Variants in KCNJ18 observed in about 807,000 individuals in gnomAD.
KCNJ18 encodes the protein potassium inwardly rectifying channel subfamily J member 18.
A neutral mutation model predicts 17.3 loss-of-function variants in KCNJ18; 16 were observed. The ratio of observed to expected loss-of-function variants is 0.92; its 90% CI spans 0.62 to 1.40. The LOEUF (loss-of-function observed/expected upper bound fraction) is 1.40, where lower values mean the gene tolerates loss of function less well. Among genes scored for constraint, KCNJ18 ranks in the 40% most tolerant of loss-of-function variants. The probability of loss-of-function intolerance (pLI) is 0.00; values close to 1 mark genes in which losing one functional copy is unlikely to be tolerated. For synonymous variants in KCNJ18, 185 were observed against 262.6 expected, an observed-to-expected ratio of 0.70 and a Z score of 2.86; for missense variants, 462 against 626.8, an observed-to-expected ratio of 0.74 and a Z score of 2.81.
chr17:21,698,311 G>A (rs1299614217), intron 2 of KCNJ18, among the ~76,000 whole-genome samples: 2 of 151,934 alleles, frequency 1.3e-5, no homozygotes, highest in Non-Finnish European at 2.9e-5. Context: ...TGGAAAATGG[G>A]GATAATAATC....
chr17:21,704,164 G>C lies in KCNJ18; in HGVS notation c.*76G>C. On this transcript the variant is annotated 3_prime_UTR_variant, in exon 3 of 3. Coordinates refer to ENST00000567955, the MANE Select transcript of KCNJ18 (RefSeq NM_001194958.2). ...GCGGTCGCTCAGGGGCCCTGGGTTTGAGCAGAACGGGCCCAGTGCCCTGGG... is the reference window on the plus strand; with the variant it reads ...GCGGTCGCTCAGGGGCCCTGGGTTTCAGCAGAACGGGCCCAGTGCCCTGGG... 1 of 1,434,686 alleles carries C rather than the reference G, an allele frequency of 7.0e-7. No individual in the cohort carries two copies. The highest frequency in any genetic ancestry group is 1.4e-5 in the African/African-American group (1 of 69,496). The allele number at this position is 1,434,686 out of a possible 1,614,324, so 88.9% of individuals were successfully genotyped here.
In KCNJ18 at chr17:21,704,299, A is replaced by G; in HGVS notation, c.*211A>G. On this transcript the variant is annotated 3_prime_UTR_variant, in exon 3 of 3. Coordinates refer to ENST00000567955, the MANE Select transcript of KCNJ18 (RefSeq NM_001194958.2). ...GCAGCCCCCGGCCTCAGAGGCTATC[A>G]CAGGCTCAGGGCAAAGAAGTGGCCT... 1.6e-6 allele frequency: 1 copy of G among 629,180 alleles called. No homozygotes were observed. The highest frequency in any genetic ancestry group is 2.7e-6 in the Non-Finnish European group (1 of 374,862). The allele number at this position is 629,180 out of a possible 1,614,324, so 39.0% of individuals were successfully genotyped here.
chr17:21,702,880 G>T lies in KCNJ18; in HGVS notation c.94G>T (p.Gly32Cys). 6.3e-7 allele frequency: 1 copy of T among 1,599,790 alleles called. No homozygotes were observed. Among genetic ancestry groups the T allele is most frequent in the Non-Finnish European group, 8.5e-7 (1 of 1,176,854 alleles). ...LVTMSGANGF[G>C]NGKVHTRRRC... ...CACCATGTCGGGCGCCAACGGCTTC[G>T]GCAACGGCAAGGTGCACACGCGGCG... Residue 32 changes from glycine to cysteine, a missense_variant, in exon 3 of 3, where the codon GGC becomes TGC. By Grantham distance (159) the Gly-to-Cys change is radical. Transcript: ENST00000567955.
chr17:21,694,607 T>TCCATCCAC (rs1206670762), intron 1 of KCNJ18, among the ~76,000 whole-genome samples: 8 of 148,298 alleles, frequency 5.4e-5, no homozygotes, highest in Non-Finnish European at 1.1e-4. Flanking sequence ...TACCCACCCA[T>TCCATCCAC]CCATCCACCC....
intron 1 of KCNJ18, among the ~76,000 whole-genome samples, chr17:21,695,303 C>T (rs1905727069): frequency 6.6e-6 from 1 of 152,090 alleles, no homozygotes; most frequent in Admixed American, 6.5e-5. Context: ...TACAGCCATC[C>T]ACCCTCACAC....
intron 1 of KCNJ18, among the ~76,000 whole-genome samples, chr17:21,693,477 C>G (rs1432318907): frequency 3.3e-5 from 5 of 152,428 alleles, no homozygotes; most frequent in Admixed American, 6.5e-5. Context: ...GCCCCCACCC[C>G]TGCTTGGCTC....
chr17:21,702,840 C>A lies in KCNJ18; in HGVS notation c.54C>A (p.Asp18Glu), dbSNP rs1290592184. ...NPYSIVSLEE[D>E]GLHLVTMSGA... Reference sequence around the variant, plus strand: ...ACAGCATCGTGTCATTGGAGGAGGACGGGCTGCACCTGGTCACCATGTCGG... The same window carrying A: ...ACAGCATCGTGTCATTGGAGGAGGAAGGGCTGCACCTGGTCACCATGTCGG... Residue 18 changes from aspartate (D) to glutamate (E), a missense_variant, in exon 3 of 3, where the codon GAC becomes GAA. By Grantham distance (45) the Asp-to-Glu change is conservative (BLOSUM62 2). This residue lies in a region of KCNJ18 where 237 missense variants were observed against 259.4 expected (regional missense o/e 0.91). Transcript: ENST00000567955. The A allele has an allele frequency of 5.6e-6, 9 of 1,598,856 alleles. No homozygotes were observed. The African/African-American group carries it at 1.2e-4, about 21-fold the overall frequency.
chr17:21,697,510 C>A, intron 2 of KCNJ18, among the ~76,000 whole-genome samples: 1 of 152,310 alleles, frequency 6.6e-6, no homozygotes, highest in Non-Finnish European at 1.5e-5. Context: ...CCCTCCACAC[C>A]AGCCTGGGTT....
At chr17:21,694,387 C>G (rs1252949033) in intron 1 of KCNJ18, among the ~76,000 whole-genome samples, 286 of 151,970 alleles carry the variant, frequency 1.9e-3, no homozygotes, top group Middle Eastern at 6.8e-3. Context: ...GGGGAAATTG[C>G]ATCTTTGGGA....
rs1163469679 is a variant in KCNJ18 at position 21,699,308 on chromosome 17, T to G, written c.-57+3204T>G. ...AAATTGCGACCTTGAAGGCCGCATG[T>G]TTGTGTAACTTCTTGCCACACCTGT... On this transcript the variant is annotated intron_variant, in intron 2 of 2. Transcript: ENST00000567955. 7.9e-5 allele frequency among the ~76,000 whole-genome samples: 12 copies of G among 152,056 alleles called. No homozygotes were observed. In the South Asian group the frequency reaches 8.3e-4, roughly 11 times the overall value.
At position 21,699,421 on chromosome 17, in the gene KCNJ18, GT is replaced by G. The variant is rs1167824841; in HGVS notation, c.-56-3309del. ...GTCCCCTTCTGGGTCTGTCTTTGTG[GT>G]GCTGTATTCACCAAGTGCCCAGTGA... On this transcript the variant is annotated intron_variant, in intron 2 of 2. Coordinates refer to ENST00000567955, the MANE Select transcript of KCNJ18 (RefSeq NM_001194958.2). 2.0e-5 allele frequency among the ~76,000 whole-genome samples: 3 copies of G among 152,098 alleles called. No individual in the cohort carries two copies. The East Asian group carries it at 5.8e-4, about 29-fold the overall frequency.
At chr17:21,697,426 G>T (rs1277129586) in intron 2 of KCNJ18, among the ~76,000 whole-genome samples, 182 of 152,330 alleles carry the variant, frequency 1.2e-3, no homozygotes, top group Non-Finnish European at 9.7e-4. Context: ...CTGGAAAGGG[G>T]ATTGGGCGTA....
chr17:21,694,566 T>G (rs1905697752), intron 1 of KCNJ18, among the ~76,000 whole-genome samples: 1 of 151,484 alleles, frequency 6.6e-6, no homozygotes, highest in Non-Finnish European at 1.5e-5. Flanking sequence ...TCACCCACCC[T>G]CACACTCATC....
intron 2 of KCNJ18, among the ~76,000 whole-genome samples, chr17:21,696,428 C>G (rs1171901839): frequency 6.6e-6 from 1 of 152,182 alleles, no homozygotes; most frequent in South Asian, 2.1e-4. Flanking sequence ...CCCGATTTAT[C>G]CACCCATCTG....
intron 2 of KCNJ18, among the ~76,000 whole-genome samples, chr17:21,699,826 G>A: frequency 6.6e-6 from 1 of 152,302 alleles, no homozygotes. Context: ...CCAGTTTCGA[G>A]GCCGCCAGCT....
At position 21,702,814 on chromosome 17, in the gene KCNJ18, T is replaced by G; in HGVS notation, c.28T>G (p.Tyr10Asp). 14 of 1,595,870 alleles carry G rather than the reference T, an allele frequency of 8.8e-6. No individual in the cohort carries two copies. Among genetic ancestry groups the G allele is most frequent in the Non-Finnish European group, 1.2e-5 (14 of 1,177,654 alleles). ...GACCGCGGCCAGCCGGGCCAACCCC[T>G]ACAGCATCGTGTCATTGGAGGAGGA... MTAASRANP[Y>D]SIVSLEEDGL... Residue 10 changes from tyrosine (Y) to aspartate (D), a missense_variant, in exon 3 of 3, where the codon TAC (tyrosine) becomes GAC (aspartate). Tyr to Asp is a radical substitution (Grantham distance 160). Around this residue, in one of 5 missense-constraint regions of KCNJ18, gnomAD observed 237 missense variants for 259.4 expected, o/e 0.91. Coordinates refer to ENST00000567955, the MANE Select transcript of KCNJ18 (RefSeq NM_001194958.2).
At chr17:21,693,735 A>C (rs1375113389) in intron 1 of KCNJ18, among the ~76,000 whole-genome samples, 16 of 152,246 alleles carry the variant, frequency 1.1e-4, no homozygotes, top group Non-Finnish European at 1.9e-4. Flanking sequence ...GGAGGTCCCC[A>C]GCTGTTTGAT....
At chr17:21,694,382 A>G (rs1905692905) in intron 1 of KCNJ18, among the ~76,000 whole-genome samples, 1 of 151,798 alleles carries the variant, frequency 6.6e-6, no homozygotes, top group Non-Finnish European at 1.5e-5. Flanking sequence ...CAGGTGGGGA[A>G]ATTGCATCTT....
intron 2 of KCNJ18, among the ~76,000 whole-genome samples, chr17:21,699,831 C>T (rs1336445909): frequency 3.3e-4 from 50 of 152,408 alleles, no homozygotes; most frequent in African/African-American, 1.1e-3. Context: ...TTCGAGGCCG[C>T]CAGCTACTGG....
Sources: gnomAD v4.1 joint callset for allele counts (sites outside exome capture counted in the v4.1 genomes callset) on GRCh38, gnomAD v4.1.1 for gene constraint, gnomAD v4.1.1 regional missense constraint, MANE v1.5 for transcripts, NCBI Gene and HGNC (gene_info 2026-07-23, HGNC 2026-07-21) for gene names.